The following STAT4 variants were observed in gnomAD, a reference collection of about 807,000 sequenced individuals.
STAT4 encodes signal transducer and activator of transcription 4.
Under a neutral mutation model 110.5 loss-of-function variants are expected in STAT4, and 42 were observed. That is an observed-to-expected ratio of 0.38 (90% CI 0.30 to 0.49). STAT4 has a LOEUF of 0.49. STAT4 is among the 20% of genes least tolerant of loss of function. STAT4 has a pLI of 0.95. For synonymous variants in STAT4, 284 were observed against 302.2 expected, an observed-to-expected ratio of 0.94 and a Z score of 0.63; for missense variants, 632 against 887.9, an observed-to-expected ratio of 0.71 and a Z score of 3.66.
Position 191,062,752 on chromosome 2 carries a change from C to A in STAT4, c.941+10G>T. On this transcript the variant is annotated intron_variant, in intron 9 of 23. Coordinates refer to ENST00000392320, the MANE Select transcript of STAT4 (RefSeq NM_003151.4). This position sits in a 1 kb window ranked among gnomAD's most constrained non-coding sequence, Gnocchi z 4.9. Reference sequence around the variant, plus strand: ...AGAATGGAGGATGCCATTGATAGCACTTCACTTACTTCTTGAAAAGGTTGT... The same window carrying A: ...AGAATGGAGGATGCCATTGATAGCAATTCACTTACTTCTTGAAAAGGTTGT... 1 of 1,613,182 alleles carries A rather than the reference C, an allele frequency of 6.2e-7. No individual in the cohort carries two copies. The highest frequency in any genetic ancestry group is 8.5e-7 in the Non-Finnish European group (1 of 1,179,538).
At chr2:191,126,536 C>T (rs1053201835) in intron 3 of STAT4, among the ~76,000 whole-genome samples, 8 of 152,234 alleles carry the variant, frequency 5.3e-5, no homozygotes, top group Non-Finnish European at 1.2e-4. Flanking sequence ...TCTCTACCAG[C>T]ATCTGTATCT....
Position 191,138,160 on chromosome 2 carries a change from A to G in STAT4, c.273+8453T>C, listed in dbSNP as rs1699229733. Among the ~76,000 whole-genome samples the G allele has an allele frequency of 2.0e-5, 3 of 152,204 alleles. No homozygotes were observed. Among genetic ancestry groups the G allele is most frequent in the African/African-American group, 4.8e-5 (2 of 41,464 alleles). On this transcript the variant is annotated intron_variant, in intron 3 of 23. Transcript: ENST00000392320. This position sits in a 1 kb window ranked among gnomAD's most constrained non-coding sequence, Gnocchi z 4.3. ...ATAAAAGGAACTCAAACTATTCAAC[A>G]GTAAAAACCAAATAATCCCATTAAA...
chr2:191,131,792 T>C (rs1551443), intron 3 of STAT4: 853,139 of 1,340,730 alleles, frequency 0.64, 274,272 homozygotes, highest in East Asian at 0.75. Flanking sequence ...TAGTATCATC[T>C]GAATGTCCCA....
chr2:191,109,252 G>T (rs536860552), intron 3 of STAT4, among the ~76,000 whole-genome samples: 170 of 152,104 alleles, frequency 1.1e-3, no homozygotes, highest in African/African-American at 3.8e-3. Context: ...ACTTTTCAAA[G>T]AAACTTATAA....
rs1179903556 is a variant in STAT4, at chr2:191,032,703, A to G, written c.2044+255T>C. On this transcript the variant is annotated intron_variant, in intron 21 of 23. Coordinates refer to ENST00000392320, the MANE Select transcript of STAT4 (RefSeq NM_003151.4). The surrounding 1 kb of genome is among the most constrained non-coding windows in gnomAD (Gnocchi z 4.9). ...GAAAACTGAAGCTCTCCAAGTGGCT[A>G]TGAGAGGCCCCCATGGCCATGGTGA... Among the ~76,000 whole-genome samples, 2 of 152,156 alleles carry G rather than the reference A, an allele frequency of 1.3e-5. No homozygotes were observed. The highest frequency in any genetic ancestry group is 3.9e-4 in the East Asian group (2 of 5,186).
At chr2:191,132,145 T>A (rs572815988) in intron 3 of STAT4, among the ~76,000 whole-genome samples, 11 of 151,888 alleles carry the variant, frequency 7.2e-5, no homozygotes, top group African/African-American at 2.2e-4. Flanking sequence ...TGGGTATGCA[T>A]CAGTAGGGCT....
chr2:191,044,024 A>G (rs1448373047), intron 14 of STAT4, among the ~76,000 whole-genome samples: 1 of 150,372 alleles, frequency 6.7e-6, no homozygotes, highest in Non-Finnish European at 1.5e-5. Context: ...GAAAAGGATT[A>G]AAGGCGGGGG....
At chr2:191,036,954 TAA>T (rs1164226646) in intron 16 of STAT4, among the ~76,000 whole-genome samples, 1 of 152,224 alleles carries the variant, frequency 6.6e-6, no homozygotes, top group Non-Finnish European at 1.5e-5. Flanking sequence ...GGTCTTTTCC[TAA>T]AAGTCTCCTT....
At position 191,142,328 on chromosome 2, in the gene STAT4, G is replaced by C. The variant is rs1379778889; in HGVS notation, c.273+4285C>G. Among the ~76,000 whole-genome samples, 1 of 152,062 alleles carries C rather than the reference G, an allele frequency of 6.6e-6. No individual in the cohort carries two copies. The highest frequency in any genetic ancestry group is 2.1e-4 in the South Asian group (1 of 4,816). ...TGCAGCAACACGGATCGTACAAGAT[G>C]TCATTATGTTAAATAAAATAAGCCA... On this transcript the variant is annotated intron_variant, in intron 3 of 23. Transcript: ENST00000392320. This position sits in a 1 kb window ranked among gnomAD's most constrained non-coding sequence, Gnocchi z 4.1.
rs1340439535 is a variant in STAT4 at position 191,034,486 on chromosome 2, C to T, written c.1620+62G>A. The stretch of plus-strand genomic sequence containing the variant: ...TCTCAAAACCCCATGTAGTAATAGA[C>T]TTAGAAAGGAACATTGTATTAAAAA... On this transcript the variant is annotated intron_variant, in intron 18 of 23. Coordinates refer to ENST00000392320, the MANE Select transcript of STAT4 (RefSeq NM_003151.4). 2.4e-6 allele frequency: 3 copies of T among 1,229,680 alleles called. No homozygotes were observed. In the African/African-American group the frequency reaches 4.5e-5, roughly 18 times the overall value. The allele number at this position is 1,229,680 out of a possible 1,614,324, so 76.2% of individuals were successfully genotyped here.
intron 3 of STAT4, among the ~76,000 whole-genome samples, chr2:191,100,780 A>C (rs1458314336): frequency 4.0e-5 from 6 of 150,986 alleles, no homozygotes; most frequent in Non-Finnish European, 7.4e-5. Flanking sequence ...TTCACATATA[A>C]ATTTTTATAT....
chr2:191,084,027 G>A (rs1390935724), intron 3 of STAT4, among the ~76,000 whole-genome samples: 1 of 152,078 alleles, frequency 6.6e-6, no homozygotes, highest in Non-Finnish European at 1.5e-5. Context: ...ACTTTGGGAG[G>A]CTGAGACAAG....
intron 14 of STAT4, among the ~76,000 whole-genome samples, chr2:191,047,432 G>A (rs1422555464): frequency 6.6e-6 from 1 of 152,134 alleles, no homozygotes. Flanking sequence ...TCTGAATTGG[G>A]GGCAGACTTG....
At chr2:191,057,853 C>T (rs1348599399) in intron 13 of STAT4, among the ~76,000 whole-genome samples, 165 bp downstream of exon 13, 2 of 152,066 alleles carry the variant, frequency 1.3e-5, no homozygotes, top group Non-Finnish European at 1.5e-5. Flanking sequence ...CCACCTTGGC[C>T]TCCCAAAATG....
intron 3 of STAT4, among the ~76,000 whole-genome samples, chr2:191,145,806 T>C (rs1209451039): frequency 6.6e-6 from 1 of 152,240 alleles, no homozygotes; most frequent in East Asian, 1.9e-4. Flanking sequence ...TAATACGTTG[T>C]ATGCACTCAG....
At chr2:191,074,278 G>C (rs548730593) in intron 4 of STAT4, among the ~76,000 whole-genome samples, 1 of 152,176 alleles carries the variant, frequency 6.6e-6, no homozygotes, top group Non-Finnish European at 1.5e-5. Flanking sequence ...GGTTAGAAAG[G>C]TTGATAAACT....
intron 3 of STAT4, among the ~76,000 whole-genome samples, chr2:191,092,693 G>C (rs1489892564): frequency 6.6e-6 from 1 of 152,140 alleles, no homozygotes; most frequent in Non-Finnish European, 1.5e-5. Flanking sequence ...ATTGGGACTG[G>C]TTGGACAGTG....
Position 191,039,306 on chromosome 2 carries a change from G to C in STAT4, c.1336-9C>G. 6.2e-7 allele frequency: 1 copy of C among 1,613,418 alleles called. No individual in the cohort carries two copies. The highest frequency in any genetic ancestry group is 2.2e-5 in the East Asian group (1 of 44,884). On this transcript the variant is annotated splice_polypyrimidine_tract_variant and intron_variant, in intron 15 of 23. Coordinates refer to ENST00000392320, the MANE Select transcript of STAT4 (RefSeq NM_003151.4). The surrounding 1 kb of genome is among the most constrained non-coding windows in gnomAD (Gnocchi z 4.7). ...ACAGGCAATGAGCTGGTCTGGTTTGGGGGGAAAAAAGCATAGTTATTACAG... is the reference window on the plus strand; with the variant it reads ...ACAGGCAATGAGCTGGTCTGGTTTGCGGGGAAAAAAGCATAGTTATTACAG...
intron 3 of STAT4, among the ~76,000 whole-genome samples, chr2:191,105,927 C>A (rs1574159872): frequency 6.6e-6 from 1 of 152,294 alleles, no homozygotes; most frequent in East Asian, 1.9e-4. Context: ...GTGTTGGCAT[C>A]AGCACAGGGG....
Sources: allele counts gnomAD v4.1 joint callset (sites outside exome capture counted in the v4.1 genomes callset), GRCh38; gene constraint gnomAD v4.1.1; non-coding constraint Gnocchi (gnomAD v3.1); transcripts MANE v1.5; gene names NCBI Gene and HGNC (gene_info 2026-07-23, HGNC 2026-07-21).